Variants in IQSEC2 observed in about 807,000 individuals in gnomAD.
IQSEC2 encodes IQ motif and SEC7 domain-containing protein 2.
A neutral mutation model predicts 74.6 loss-of-function variants in IQSEC2; 6 were observed. The observed-to-expected ratio is 0.08, with a 90% CI of 0.04 to 0.16. The LOEUF is 0.16. Among genes scored for constraint, IQSEC2 ranks in the 10% least tolerant of loss-of-function variants. IQSEC2 has a pLI of 1.00. For missense variants in IQSEC2, 734 were observed against 1,306.2 expected (o/e 0.56, Z 6.75); for synonymous variants, 494 against 544.5 (o/e 0.91, Z 1.29).
At chrX:53,239,696 G>A (rs2074189200) in intron 10 of IQSEC2, 1 of 193,977 alleles carries the variant, frequency 5.2e-6, no homozygotes, top group African/African-American at 3.0e-5. Context: ...CTGGAGGGCA[G>A]GAGTCTGGTT....
intron 1 of IQSEC2, among the ~76,000 whole-genome samples, chrX:53,318,521 G>A (rs190541815): frequency 8.9e-6 from 1 of 111,946 alleles, no homozygotes; most frequent in African/African-American, 3.2e-5. Flanking sequence ...AACTGGGGAC[G>A]ACCCAGGTCA....
At chrX:53,301,996 G>T (rs1263125637) in intron 1 of IQSEC2, among the ~76,000 whole-genome samples, 6 of 112,294 alleles carry the variant, frequency 5.3e-5, no homozygotes, top group Non-Finnish European at 9.4e-5. Context: ...CTGGATTTGG[G>T]TCTCAGCTCT....
At chrX:53,298,410 T>C (rs1054275984) in intron 1 of IQSEC2, among the ~76,000 whole-genome samples, 2 of 111,804 alleles carry the variant, frequency 1.8e-5, no homozygotes, top group Non-Finnish European at 3.8e-5. Context: ...CCTCAGAATA[T>C]TGAGAACACT....
At chrX:53,274,247 C>T (rs782395039) in intron 2 of IQSEC2, among the ~76,000 whole-genome samples, 3 of 110,385 alleles carry the variant, frequency 2.7e-5, no homozygotes, top group Non-Finnish European at 5.7e-5. Flanking sequence ...GGAAGCAAGA[C>T]CTTGGAGAAA....
At chrX:53,266,273 T>C in intron 2 of IQSEC2, 1 of 536,768 alleles carries the variant, frequency 1.9e-6, no homozygotes, top group Non-Finnish European at 2.3e-6. Flanking sequence ...GGCAAGGCCC[T>C]GGTGGGGATT....
chrX:53,315,032 A>G (rs917648161), intron 1 of IQSEC2, among the ~76,000 whole-genome samples: 2 of 111,915 alleles, frequency 1.8e-5, no homozygotes, highest in Non-Finnish European at 3.8e-5. Flanking sequence ...TCTGGGCTCC[A>G]TCTGCCTGAA....
At chrX:53,241,753 C>T in intron 10 of IQSEC2, 31 bp downstream of exon 10, 1 of 1,208,582 alleles carries the variant, frequency 8.3e-7, no homozygotes, top group Non-Finnish European at 1.1e-6. Context: ...TCACTCTCTC[C>T]CTCCCATCTC....
chrX:53,228,033 C>T (rs2074049643), downstream of IQSEC2, among the ~76,000 whole-genome samples: 1 of 111,924 alleles, frequency 8.9e-6, no homozygotes, highest in East Asian at 2.8e-4. Context: ...AGCTGACATG[C>T]ACCCACTGAG....
At chrX:53,275,634 T>C (rs1331541281) in intron 2 of IQSEC2, among the ~76,000 whole-genome samples, 1 of 111,853 alleles carries the variant, frequency 8.9e-6, no homozygotes, top group African/African-American at 3.3e-5. Context: ...TTTTGTTTCA[T>C]GTCTGTAGTC....
At chrX:53,237,781 G>A (rs782085332) in intron 12 of IQSEC2, 8 of 235,775 alleles carry the variant, frequency 3.4e-5, no homozygotes, top group East Asian at 1.9e-4. Flanking sequence ...CCCCAATTTC[G>A]TATAGGAAGA....
chrX:53,290,543 C>T (rs1240818424), intron 2 of IQSEC2, among the ~76,000 whole-genome samples: 6 of 111,922 alleles, frequency 5.4e-5, no homozygotes, highest in Admixed American at 3.8e-4. Context: ...AGACAGGTGC[C>T]TTCCTAAGTG....
At chrX:53,279,140 C>G (rs1245958035) in intron 2 of IQSEC2, 1 of 116,223 alleles carries the variant, frequency 8.6e-6, no homozygotes, top group Non-Finnish European at 1.8e-5. Flanking sequence ...GAGATCGCAC[C>G]ACAGCACTCT....
At position 53,250,443 on chromosome X, in the gene IQSEC2, G is replaced by A; in HGVS notation, c.2133C>T (p.Cys711=). ...SSSNSNETIN[C]SSGSSSRDSL... ...TGTCCCGAGAAGAGGAGCCGGAGCT[G>A]CAGTTGATGGTCTCATTGGAATTGC... is the stretch of plus-strand genomic sequence containing the variant. The change falls in exon 5 of 15, where the codon TGC becomes TGT. Residue 711 remains cysteine (C), a synonymous_variant. Coordinates refer to ENST00000642864, the MANE Select transcript of IQSEC2 (RefSeq NM_001111125.3). The A allele has an allele frequency of 1.7e-6, 2 of 1,211,762 alleles. No individual in the cohort carries two copies. Among genetic ancestry groups the A allele is most frequent in the Non-Finnish European group, 1.1e-6 (1 of 895,363 alleles).
At position 53,234,794 on chromosome X, in the gene IQSEC2, G is replaced by GGGGCTGCTGGGGAGGTGGGGGAAGAGA; in HGVS notation, c.3865_3891dup (p.Ser1289_Pro1297dup). 9.0e-7 allele frequency: 1 copy of GGGGCTGCTGGGGAGGTGGGGGAAGAGA among 1,115,905 alleles called. No homozygotes were observed. Among genetic ancestry groups the GGGGCTGCTGGGGAGGTGGGGGAAGAGA allele is most frequent in the Non-Finnish European group, 1.2e-6 (1 of 845,533 alleles). The allele number at this position is 1,115,905 out of a possible 1,213,427, so 92.0% of individuals were successfully genotyped here. A position where few individuals can be genotyped will look rare whatever the true frequency, so the allele number is the denominator to read the frequency against. ...ATGGAGCCCAGCTGGGGCAAGGGTG[G>GGGGCTGCTGGGGAGGTGGGGGAAGAGA]GGGCTGCTGGGGAGGTGGGGGAAGA... On this transcript the variant is annotated inframe_insertion, in exon 15 of 15. Coordinates refer to ENST00000642864, the MANE Select transcript of IQSEC2 (RefSeq NM_001111125.3).
chrX:53,236,435 T>C lies in IQSEC2; in HGVS notation c.3338A>G (p.Lys1113Arg), dbSNP rs782620019. Residue 1113 changes from lysine (K) to arginine (R), a missense_variant, in exon 13 of 15, where the codon AAG becomes AGG. Lys to Arg is a conservative substitution (Grantham distance 26). Around this residue, in one of 12 missense-constraint regions of IQSEC2, gnomAD observed 249 missense variants for 467.9 expected, o/e 0.53. Coordinates refer to ENST00000642864, the MANE Select transcript of IQSEC2 (RefSeq NM_001111125.3). ...RPNASQPGGA[K>R]DSVNGTMARS... ...GGCCATCGTCCCATTCACTGAGTCC[T>C]TGGCCCCTCCAGGCTGTGAGGCGTT... 1.7e-6 allele frequency: 2 copies of C among 1,204,947 alleles called. No homozygotes were observed. The highest frequency in any genetic ancestry group is 3.6e-5 in the South Asian group (2 of 55,527).
intron 5 of IQSEC2, 24 bp downstream of exon 5, chrX:53,250,255 C>T: frequency 8.3e-7 from 1 of 1,209,027 alleles, no homozygotes; most frequent in Non-Finnish European, 1.1e-6. Context: ...AAGGGGTAAG[C>T]AGGCTAGAAC....
At chrX:53,278,851 A>G (rs1374468726) in intron 2 of IQSEC2, among the ~76,000 whole-genome samples, 1 of 112,383 alleles carries the variant, frequency 8.9e-6, no homozygotes, top group African/African-American at 3.2e-5. Context: ...TGTAATTAGA[A>G]AACATAAAAT....
At chrX:53,313,377 T>A (rs782079791) in intron 1 of IQSEC2, among the ~76,000 whole-genome samples, 1 of 112,190 alleles carries the variant, frequency 8.9e-6, no homozygotes, top group African/African-American at 3.2e-5. Context: ...AGTCCTTCCA[T>A]GGCACCACAC....
At chrX:53,230,210 C>G (rs1391017128), downstream of IQSEC2, 1 of 112,632 alleles carries the variant, frequency 8.9e-6, no homozygotes, top group Non-Finnish European at 1.9e-5. Flanking sequence ...CTGACCCCAC[C>G]CACACACCCC....
Sources: allele counts gnomAD v4.1 joint callset (sites outside exome capture counted in the v4.1 genomes callset), GRCh38; gene constraint gnomAD v4.1.1; regional missense constraint gnomAD v4.1.1; transcripts MANE v1.5; gene names NCBI Gene and HGNC (gene_info 2026-07-23, HGNC 2026-07-21).